The following TM4SF4 variants were observed in gnomAD, a reference collection of about 807,000 sequenced individuals.
TM4SF4 encodes the protein transmembrane 4 L6 family member 4.
Under a neutral mutation model 24.1 loss-of-function variants are expected in TM4SF4, and 24 were observed. The observed-to-expected ratio is 1.00, with a 90% CI of 0.72 to 1.40. The LOEUF (loss-of-function observed/expected upper bound fraction) is 1.40. TM4SF4 is among the 40% of genes most tolerant of loss of function. The pLI is 0.00. For synonymous variants in TM4SF4, 113 were observed against 97.0 expected (o/e 1.17, Z -0.97); for missense variants, 254 against 254.2 (o/e 1.00, Z 0.01).
intron 3 of TM4SF4, among the ~76,000 whole-genome samples, chr3:149,491,047 T>G (rs1338662780): frequency 6.6e-6 from 1 of 152,114 alleles, no homozygotes; most frequent in Non-Finnish European, 1.5e-5. Flanking sequence ...TCACCTAATC[T>G]TCCTCATAAA....
intron 2 of TM4SF4, among the ~76,000 whole-genome samples, chr3:149,486,147 A>T (rs965375757): frequency 2.0e-5 from 3 of 152,152 alleles, no homozygotes; most frequent in African/African-American, 7.2e-5. Flanking sequence ...TCACCTTCAA[A>T]CCTTACCCCA....
chr3:149,501,060 G>GAAA (rs1340785870), intron 4 of TM4SF4, among the ~76,000 whole-genome samples: 1 of 149,428 alleles, frequency 6.7e-6, no homozygotes, highest in African/African-American at 2.5e-5. Flanking sequence ...AAGAAAGAAA[G>GAAA]AAAATATGAT....
At position 149,474,925 on chromosome 3, in the gene TM4SF4, C is replaced by T. The variant is rs1733897883; in HGVS notation, c.48C>T (p.Pro16=). 6.2e-7 allele frequency: 1 copy of T among 1,613,862 alleles called. No homozygotes were observed. ...CARCLGGTLI[P]LAFFGFLANI... ...GATGCCTGGGGGGGACCCTCATTCC[C>T]CTTGCTTTTTTTGGCTTCCTGGCTA... Residue 16 remains proline, a synonymous_variant, in exon 1 of 5, where the codon CCC becomes CCT. Transcript: ENST00000305354.
At chr3:149,487,514 A>T (rs552615217) in intron 2 of TM4SF4, 105 bp from the exon 3 acceptor site, 11 of 1,428,464 alleles carry the variant, frequency 7.7e-6, no homozygotes, top group South Asian at 5.1e-5. Context: ...CTCCTACTCC[A>T]TAACTTCTTG....
intron 3 of TM4SF4, among the ~76,000 whole-genome samples, chr3:149,496,683 G>A (rs552357878): frequency 6.7e-6 from 1 of 150,098 alleles, no homozygotes; most frequent in South Asian, 2.3e-4. Flanking sequence ...CAGGAGAACC[G>A]CTTGAACCCG....
intron 3 of TM4SF4, among the ~76,000 whole-genome samples, chr3:149,489,610 T>G (rs983332185): frequency 2.6e-5 from 4 of 152,192 alleles, no homozygotes; most frequent in African/African-American, 9.7e-5. Context: ...AGCTGGCCTG[T>G]GGGTCACCAC....
intron 4 of TM4SF4, among the ~76,000 whole-genome samples, chr3:149,501,630 G>A (rs537865206): frequency 6.6e-6 from 1 of 152,316 alleles, no homozygotes; most frequent in South Asian, 2.1e-4. Flanking sequence ...CCTCTCATGG[G>A]GCTGGTCAGC....
chr3:149,485,803 C>A (rs1046482469), intron 2 of TM4SF4, among the ~76,000 whole-genome samples: 2 of 151,838 alleles, frequency 1.3e-5, no homozygotes, highest in Non-Finnish European at 2.9e-5. Context: ...AAAACAAAAA[C>A]AAAAACAAAA....
At chr3:149,499,905 A>G (rs1232952483) in intron 4 of TM4SF4, among the ~76,000 whole-genome samples, 1 of 152,158 alleles carries the variant, frequency 6.6e-6, no homozygotes, top group East Asian at 1.9e-4. Context: ...CATTTATTTT[A>G]AATAAGCATT....
intron 3 of TM4SF4, chr3:149,495,503 G>A: frequency 2.4e-6 from 1 of 422,168 alleles, no homozygotes; most frequent in South Asian, 2.2e-5. Context: ...ACTAAAGTCT[G>A]TTGAAATGCA....
At chr3:149,485,787 T>G (rs1277608706) in intron 2 of TM4SF4, among the ~76,000 whole-genome samples, 1 of 135,818 alleles carries the variant, frequency 7.4e-6, no homozygotes. Context: ...GGCAAGACCC[T>G]GTCTAAAAAC....
At chr3:149,476,729 C>G (rs1286048308) in intron 2 of TM4SF4, among the ~76,000 whole-genome samples, 1 of 151,818 alleles carries the variant, frequency 6.6e-6, no homozygotes, top group Non-Finnish European at 1.5e-5. Flanking sequence ...CCTTTTGAAT[C>G]TATCAATCTA....
chr3:149,475,807 C>T lies in TM4SF4; in HGVS notation c.175-16C>T. 1.9e-6 allele frequency: 3 copies of T among 1,598,176 alleles called. No homozygotes were observed. The highest frequency in any genetic ancestry group is 2.3e-5 in the East Asian group (1 of 44,400). On this transcript the variant is annotated splice_polypyrimidine_tract_variant and intron_variant, in intron 1 of 4. Transcript: ENST00000305354. ...CAACTCCTGGACTCTCTCTGAGGTG[C>T]CTCTTCTCCTGGTAGATGATCTTCC...
At chr3:149,494,413 C>G (rs907077242) in intron 3 of TM4SF4, among the ~76,000 whole-genome samples, 3 of 152,126 alleles carry the variant, frequency 2.0e-5, no homozygotes, top group African/African-American at 4.8e-5. Flanking sequence ...CAAAGAGGCC[C>G]GAAACTCAGG....
intron 2 of TM4SF4, among the ~76,000 whole-genome samples, chr3:149,483,837 G>A (rs571360339): frequency 6.6e-6 from 1 of 152,120 alleles, no homozygotes; most frequent in African/African-American, 2.4e-5. Flanking sequence ...CTGGAGTGCA[G>A]CGGTGTGATC....
intron 4 of TM4SF4, 106 bp from the exon 5 acceptor site, chr3:149,502,570 A>T (rs1734448549): frequency 1.2e-6 from 1 of 816,252 alleles, no homozygotes; most frequent in Non-Finnish European, 2.2e-6. Flanking sequence ...ATAGGCAACC[A>T]TTAAGAGCCA....
chr3:149,495,038 C>A, intron 3 of TM4SF4: 1 of 243,390 alleles, frequency 4.1e-6, no homozygotes, highest in Non-Finnish European at 8.3e-6. Context: ...CATGGGCAGA[C>A]CCATGAACAT....
intron 4 of TM4SF4, among the ~76,000 whole-genome samples, chr3:149,499,136 G>A (rs1161530668): frequency 6.6e-6 from 1 of 152,168 alleles, no homozygotes; most frequent in African/African-American, 2.4e-5. Flanking sequence ...AAAACACCCA[G>A]GCTGAAGTTG....
chr3:149,484,491 C>T (rs1054305150), intron 2 of TM4SF4, among the ~76,000 whole-genome samples: 1 of 151,990 alleles, frequency 6.6e-6, no homozygotes, highest in African/African-American at 2.4e-5. Context: ...TCAAGCGATT[C>T]TCCTGCCTCA....
Sources: gnomAD v4.1 joint callset for allele counts (sites outside exome capture counted in the v4.1 genomes callset) on GRCh38, gnomAD v4.1.1 for gene constraint, MANE v1.5 for transcripts, NCBI Gene and HGNC (gene_info 2026-07-23, HGNC 2026-07-21) for gene names.